SRC: variants seen among roughly 807,000 people sequenced by gnomAD.
The protein encoded by SRC is SRC proto-oncogene, non-receptor tyrosine kinase.
SRC carries 13 observed loss-of-function variants against 62.9 expected under a neutral mutation model. The observed-to-expected ratio is 0.21, with a 90% CI of 0.13 to 0.33. The LOEUF is 0.33. Ranked by LOEUF, SRC falls within the 10% of genes least tolerant of loss-of-function variation. The probability of loss-of-function intolerance (pLI) is 1.00; values close to 1 mark genes in which losing one functional copy is unlikely to be tolerated. For missense variants in SRC, 457 were observed against 737.3 expected (o/e 0.62, Z 4.40); for synonymous variants, 302 against 317.5 (o/e 0.95, Z 0.52).
At chr20:37,368,570 T>TTTGTG (rs2070110361) in intron 2 of SRC, among the ~76,000 whole-genome samples, 1 of 136,648 alleles carries the variant, frequency 7.3e-6, no homozygotes, top group Non-Finnish European at 1.6e-5. Context: ...TTTTTTTTTT[T>TTTGTG]GAGACGGAGT....
chr20:37,394,076 G>A, intron 6 of SRC, 83 bp downstream of exon 6: 11 of 1,559,484 alleles, frequency 7.1e-6, no homozygotes, highest in Non-Finnish European at 9.7e-6. Context: ...GGGGTGGGAG[G>A]TCTGGCTGTC....
At chr20:37,375,474 G>A (rs1015305933) in intron 2 of SRC, among the ~76,000 whole-genome samples, 1 of 152,052 alleles carries the variant, frequency 6.6e-6, no homozygotes, top group Non-Finnish European at 1.5e-5. Flanking sequence ...TCAGGCTCAC[G>A]TGATCCTCCT....
In SRC at chr20:37,404,398, G is replaced by A. The variant is rs995317783; in HGVS notation, c.*1019G>A. On this transcript the variant is annotated 3_prime_UTR_variant, in exon 14 of 14. Transcript: ENST00000373578. ...GAGCCAGCCGGCTATGAAAGGGAGC[G>A]AGCCCCTCGGCTCTGGAGGCAATCA... 2 of 233,530 alleles carry A rather than the reference G, an allele frequency of 8.6e-6. No homozygotes were observed. Among genetic ancestry groups the A allele is most frequent in the Non-Finnish European group, 8.5e-6 (1 of 118,050 alleles). The allele number at this position is 233,530 out of a possible 1,614,324, so 14.5% of individuals were successfully genotyped here. A position where few individuals can be genotyped will look rare whatever the true frequency, so the allele number is the denominator to read the frequency against.
At chr20:37,368,526 T>A (rs1460560038) in intron 2 of SRC, among the ~76,000 whole-genome samples, 3,825 of 126,368 alleles carry the variant, frequency 0.03, 202 homozygotes, top group African/African-American at 0.12. Context: ...TTCTTTTTTT[T>A]TTTTTTTTTT....
chr20:37,381,597 A>G (rs2070366059), intron 2 of SRC, among the ~76,000 whole-genome samples: 1 of 152,164 alleles, frequency 6.6e-6, no homozygotes, highest in South Asian at 2.1e-4. Flanking sequence ...GACCTGGCTA[A>G]TTCGTCTCTA....
intron 5 of SRC, among the ~76,000 whole-genome samples, chr20:37,387,584 G>A (rs2050263512): frequency 1.3e-5 from 2 of 152,152 alleles, no homozygotes; most frequent in South Asian, 2.1e-4. Flanking sequence ...TCCCGGCTCC[G>A]CCTCCCCCCT....
chr20:37,361,112 A>G (rs945602248), intron 1 of SRC, among the ~76,000 whole-genome samples: 2 of 151,760 alleles, frequency 1.3e-5, no homozygotes, highest in Admixed American at 6.6e-5. Flanking sequence ...GGGGCAGTGA[A>G]AGGGGAGGTG....
At chr20:37,367,803 C>T (rs1312225442) in intron 2 of SRC, among the ~76,000 whole-genome samples, 5 of 151,798 alleles carry the variant, frequency 3.3e-5, no homozygotes, top group South Asian at 2.1e-4. Context: ...TGCAACACCA[C>T]GCCTGGCTAA....
chr20:37,367,006 C>T (rs992445146), intron 2 of SRC, among the ~76,000 whole-genome samples: 1 of 152,154 alleles, frequency 6.6e-6, no homozygotes, highest in African/African-American at 2.4e-5. Context: ...CTGAGGGTTC[C>T]AATTTCTCCA....
chr20:37,350,497 C>T (rs2069786039), intron 1 of SRC, among the ~76,000 whole-genome samples: 1 of 152,172 alleles, frequency 6.6e-6, no homozygotes, highest in African/African-American at 2.4e-5. Flanking sequence ...TGGTGGCTGG[C>T]TCCGTGTCGC....
intron 1 of SRC, among the ~76,000 whole-genome samples, chr20:37,352,396 G>A (rs1368570120): frequency 6.6e-6 from 1 of 152,226 alleles, no homozygotes; most frequent in Non-Finnish European, 1.5e-5. Flanking sequence ...TGGTTGGCTT[G>A]TTCTGTGGGG....
chr20:37,362,827 C>T (rs966844720), intron 1 of SRC, among the ~76,000 whole-genome samples: 2 of 152,134 alleles, frequency 1.3e-5, no homozygotes, highest in Admixed American at 1.3e-4. Flanking sequence ...GGTGTGGGGG[C>T]TCGGAGGAGG....
Position 37,397,745 on chromosome 20 carries a change from G to A in SRC, c.750G>A (p.Thr250=), listed in dbSNP as rs142941466. The A allele has an allele frequency of 4.0e-5, 65 of 1,609,254 alleles. No homozygotes were observed. The highest frequency in any genetic ancestry group is 4.0e-4 in the African/African-American group (30 of 74,864). ...ACCGCCTCACCACCGTGTGCCCCACGTCCAAGCCGCAGACTCAGGGCCTGG... is the reference window on the plus strand; with the variant it reads ...ACCGCCTCACCACCGTGTGCCCCACATCCAAGCCGCAGACTCAGGGCCTGG... The part of the protein sequence containing the change: ...LCHRLTTVCP[T]SKPQTQGLAK... The change falls in exon 9 of 14, where the codon ACG becomes ACA. Residue 250 remains threonine, a synonymous_variant. Coordinates refer to ENST00000373578, the MANE Select transcript of SRC (RefSeq NM_198291.3). This position sits in a 1 kb window ranked among gnomAD's most constrained non-coding sequence, Gnocchi z 4.1.
rs573859843 is a variant in SRC, at chr20:37,404,620, G to A, written c.*1241G>A. On this transcript the variant is annotated 3_prime_UTR_variant, in exon 14 of 14. Coordinates refer to ENST00000373578, the MANE Select transcript of SRC (RefSeq NM_198291.3). ...CCACTGCCATGCACCAGGACTGGCT[G>A]TGTAACCTTGGGTGGCCCCTGCTGT... The A allele has an allele frequency of 3.0e-5, 7 of 233,842 alleles. No individual in the cohort carries two copies. The highest frequency in any genetic ancestry group is 1.8e-4 in the South Asian group (1 of 5,534). The allele number at this position is 233,842 out of a possible 1,614,324, so 14.5% of individuals were successfully genotyped here.
intron 1 of SRC, among the ~76,000 whole-genome samples, chr20:37,358,183 G>C (rs530151033): frequency 6.6e-6 from 1 of 152,358 alleles, no homozygotes; most frequent in Non-Finnish European, 1.5e-5. Flanking sequence ...CGATGAGACT[G>C]AGTGTGAAGT....
intron 2 of SRC, among the ~76,000 whole-genome samples, chr20:37,372,145 G>C (rs2070175937): frequency 6.6e-6 from 1 of 151,926 alleles, no homozygotes; most frequent in Non-Finnish European, 1.5e-5. Context: ...CTACCGGCAG[G>C]TGCCACCATG....
chr20:37,383,360 T>C (rs1399881169), intron 3 of SRC, among the ~76,000 whole-genome samples: 7 of 152,190 alleles, frequency 4.6e-5, no homozygotes, highest in Admixed American at 4.6e-4. Context: ...CCATCTCTGC[T>C]TCAAACCTCC....
chr20:37,349,363 G>C (rs35732924), intron 1 of SRC, among the ~76,000 whole-genome samples: 40,487 of 152,072 alleles, frequency 0.27, 6,134 homozygotes, highest in African/African-American at 0.39. Context: ...GTAGGGAGCA[G>C]GGAGGGGTCA....
chr20:37,394,865 G>A (rs988697008), intron 7 of SRC, among the ~76,000 whole-genome samples: 13 of 152,188 alleles, frequency 8.5e-5, no homozygotes, highest in African/African-American at 2.9e-4. Flanking sequence ...GTGCATTTAC[G>A]AGCAGTCGTG....
Sources: allele counts gnomAD v4.1 joint callset (sites outside exome capture counted in the v4.1 genomes callset), GRCh38; gene constraint gnomAD v4.1.1; non-coding constraint Gnocchi (gnomAD v3.1); transcripts MANE v1.5; gene names NCBI Gene and HGNC (gene_info 2026-07-23, HGNC 2026-07-21).